Variants in CDYL2 observed in about 807,000 individuals in gnomAD.
CDYL2 encodes chromodomain Y like 2.
A neutral mutation model predicts 49.4 loss-of-function variants in CDYL2; 23 were observed. That is an observed-to-expected ratio of 0.47 (90% CI 0.34 to 0.66). The LOEUF (loss-of-function observed/expected upper bound fraction) is 0.66, where lower values mean the gene tolerates loss of function less well. CDYL2 is among the 30% of genes least tolerant of loss of function. The pLI, the probability that CDYL2 is intolerant of heterozygous loss-of-function variation, is 0.01. For missense variants in CDYL2, 678 were observed against 656.4 expected, an observed-to-expected ratio of 1.03 and a Z score of -0.36; for synonymous variants, 360 against 268.8, an observed-to-expected ratio of 1.34 and a Z score of -3.32.
intron 3 of CDYL2, among the ~76,000 whole-genome samples, chr16:80,626,991 T>G (rs540538235): frequency 9.1e-4 from 138 of 152,258 alleles, no homozygotes; most frequent in African/African-American, 3.1e-3. Context: ...GATTTAAATC[T>G]CATGCTAACC....
In CDYL2 at chr16:80,612,640, G is replaced by A. The variant is rs186702168; in HGVS notation, c.1204C>T (p.Leu402=). The A allele has an allele frequency of 2.5e-6, 4 of 1,609,464 alleles. No individual in the cohort carries two copies. Among genetic ancestry groups the A allele is most frequent in the Admixed American group, 1.7e-5 (1 of 59,716 alleles). The change falls in exon 5 of 7, where the codon CTG becomes TTG. Residue 402 remains leucine (L), a synonymous_variant. Transcript: ENST00000570137. This position sits in a 1 kb window ranked among gnomAD's most constrained non-coding sequence, Gnocchi z 5.0. ...GCSSYTFPQI[L]GVALANEMLF... The stretch of plus-strand genomic sequence containing the variant: ...AGGAGGCTTACCAGCGCGACGCCCA[G>A]GATCTGGGGGAAGGTGTAGGAGGAG...
intron 2 of CDYL2, among the ~76,000 whole-genome samples, chr16:80,658,543 A>G (rs1376751151): frequency 1.3e-5 from 2 of 152,190 alleles, no homozygotes; most frequent in East Asian, 1.9e-4. Flanking sequence ...GAGTAAATAT[A>G]TGATATTGTG....
chr16:80,692,507 T>C (rs1469560374), intron 1 of CDYL2, among the ~76,000 whole-genome samples: 24 of 152,198 alleles, frequency 1.6e-4, no homozygotes, highest in Admixed American at 1.6e-3. Context: ...ATTTTAAACC[T>C]AAATTTTTAA....
chr16:80,742,493 G>GATGGATGC (rs1905775857), intron 1 of CDYL2, among the ~76,000 whole-genome samples: 1 of 150,730 alleles, frequency 6.6e-6, no homozygotes, highest in Non-Finnish European at 1.5e-5. Context: ...TGGATGGATG[G>GATGGATGC]ATGAATAGAT....
rs542290491 is a variant in CDYL2 at position 80,610,475 on chromosome 16, G to A, written c.1218+2151C>T. The stretch of plus-strand genomic sequence containing the variant: ...AATAGCCGTGGGGCCACAATGGACT[G>A]CTCTCTTTTGAAGAGGGAACTTAAG... On this transcript the variant is annotated intron_variant, in intron 5 of 6. Transcript: ENST00000570137. 3.1e-4 allele frequency among the ~76,000 whole-genome samples: 47 copies of A among 152,314 alleles called. 1 individual carries two copies. In the South Asian group the frequency reaches 9.1e-3, roughly 30 times the overall value.
chr16:80,738,922 C>T (rs532093471), intron 1 of CDYL2, among the ~76,000 whole-genome samples: 19 of 152,092 alleles, frequency 1.2e-4, no homozygotes, highest in African/African-American at 3.1e-4. Context: ...GTAAAAAAAG[C>T]GCTACATGCT....
chr16:80,612,587 C>G lies in CDYL2; in HGVS notation c.1218+39G>C. The G allele has an allele frequency of 6.4e-7, 1 of 1,554,464 alleles. No homozygotes were observed. On this transcript the variant is annotated intron_variant, in intron 5 of 6. Transcript: ENST00000570137. This position sits in a 1 kb window ranked among gnomAD's most constrained non-coding sequence, Gnocchi z 5.0. The stretch of plus-strand genomic sequence containing the variant: ...CCTAAACCCAAGGCAGAGGAAGGAT[C>G]CTGCTGGGACCCGAATCCAGGTATC...
At chr16:80,711,834 C>T (rs1904606244) in intron 1 of CDYL2, among the ~76,000 whole-genome samples, 1 of 152,032 alleles carries the variant, frequency 6.6e-6, no homozygotes, top group Non-Finnish European at 1.5e-5. Context: ...ATGTACCTAG[C>T]AAGAGCATAA....
intron 1 of CDYL2, among the ~76,000 whole-genome samples, chr16:80,800,962 G>C (rs1468178617): frequency 6.6e-6 from 1 of 152,210 alleles, no homozygotes; most frequent in Non-Finnish European, 1.5e-5. Context: ...CCTGGTAATA[G>C]GGAGCAAGGG....
intron 2 of CDYL2, among the ~76,000 whole-genome samples, chr16:80,638,938 A>T (rs1907959988): frequency 6.6e-6 from 1 of 152,226 alleles, no homozygotes; most frequent in Admixed American, 6.5e-5. Flanking sequence ...TTTTTACATA[A>T]GACACTAAAA....
chr16:80,702,534 G>C (rs1351034578), intron 1 of CDYL2, among the ~76,000 whole-genome samples: 2 of 152,136 alleles, frequency 1.3e-5, no homozygotes, highest in African/African-American at 4.8e-5. Context: ...AGGATTGTTT[G>C]AGGCCAGGAG....
chr16:80,748,659 C>A (rs942462086), intron 1 of CDYL2, among the ~76,000 whole-genome samples: 6 of 150,810 alleles, frequency 4.0e-5, no homozygotes, highest in African/African-American at 1.5e-4. Context: ...AACAAGATAA[C>A]TATTAGAAAA....
chr16:80,760,086 C>T (rs965812853), intron 1 of CDYL2, among the ~76,000 whole-genome samples: 1 of 152,212 alleles, frequency 6.6e-6, no homozygotes. Flanking sequence ...TCACTGTTCA[C>T]TTTATAAAGA....
chr16:80,738,771 A>G (rs554365338), intron 1 of CDYL2: 11 of 152,388 alleles, frequency 7.2e-5, no homozygotes, highest in African/African-American at 2.6e-4. Flanking sequence ...GTATGTGAAC[A>G]TATCTCAGTT....
intron 1 of CDYL2, among the ~76,000 whole-genome samples, chr16:80,769,786 A>G (rs1299787344): frequency 1.3e-5 from 2 of 152,218 alleles, no homozygotes; most frequent in African/African-American, 4.8e-5. Context: ...CATAGGTGAA[A>G]TTAAAGAGAT....
At position 80,702,782 on chromosome 16, in the gene CDYL2, G is replaced by A. The variant is rs533928501; in HGVS notation, c.25-17653C>T. On this transcript the variant is annotated intron_variant, in intron 1 of 6. Coordinates refer to ENST00000570137, the MANE Select transcript of CDYL2 (RefSeq NM_152342.4). ...GGCCACAATATTAGGAGGCTAGCCT[G>A]GCCTCCTGGAGGATGAGTAGACACA... 2.6e-5 allele frequency among the ~76,000 whole-genome samples: 4 copies of A among 152,272 alleles called. No individual in the cohort carries two copies. In the East Asian group the frequency reaches 7.7e-4, roughly 29 times the overall value.
chr16:80,643,467 C>G (rs1474033088), intron 2 of CDYL2, among the ~76,000 whole-genome samples: 1 of 152,238 alleles, frequency 6.6e-6, no homozygotes, highest in African/African-American at 2.4e-5. Context: ...CTAGGCGGTG[C>G]CTCCACAGGG....
intron 1 of CDYL2, among the ~76,000 whole-genome samples, chr16:80,721,787 C>T (rs1272277017): frequency 6.6e-6 from 1 of 152,208 alleles, no homozygotes; most frequent in African/African-American, 2.4e-5. Context: ...GATACAGCTG[C>T]TCTGTCCCCT....
intron 2 of CDYL2, among the ~76,000 whole-genome samples, chr16:80,651,179 T>C (rs866574956): frequency 1.3e-5 from 2 of 152,320 alleles, no homozygotes; most frequent in Middle Eastern, 3.4e-3. Context: ...GATGTGATTA[T>C]TATGCATTGC....
Sources: allele counts gnomAD v4.1 joint callset (sites outside exome capture counted in the v4.1 genomes callset), GRCh38; gene constraint gnomAD v4.1.1; non-coding constraint Gnocchi (gnomAD v3.1); transcripts MANE v1.5; gene names NCBI Gene and HGNC (gene_info 2026-07-23, HGNC 2026-07-21).